Variants in DLGAP1 observed in about 807,000 individuals in gnomAD.
The protein encoded by DLGAP1 is disks large-associated protein 1.
Under a neutral mutation model 90.8 loss-of-function variants are expected in DLGAP1, and 11 were observed. The observed-to-expected ratio is 0.12, with a 90% CI of 0.08 to 0.20. The LOEUF (loss-of-function observed/expected upper bound fraction) is 0.20. Among genes scored for constraint, DLGAP1 ranks in the 10% least tolerant of loss-of-function variants. DLGAP1 has a pLI of 1.00. For missense variants in DLGAP1, 1,050 were observed against 1,333.8 expected, an observed-to-expected ratio of 0.79 and a Z score of 3.31; for synonymous variants, 558 against 540.7, an observed-to-expected ratio of 1.03 and a Z score of -0.44.
chr18:4,399,306 C>T (rs1340295922), intron 1 of DLGAP1, among the ~76,000 whole-genome samples: 1 of 152,174 alleles, frequency 6.6e-6, no homozygotes, highest in Non-Finnish European at 1.5e-5. Flanking sequence ...CTACTACCAA[C>T]AAGAATTCCT....
At chr18:3,624,214 C>T (rs2058208588) in intron 7 of DLGAP1, among the ~76,000 whole-genome samples, 1 of 152,196 alleles carries the variant, frequency 6.6e-6, no homozygotes, top group African/African-American at 2.4e-5. Context: ...CAGGAGACAA[C>T]GGGCGCCTGT....
intron 4 of DLGAP1, among the ~76,000 whole-genome samples, chr18:3,875,910 A>G (rs1368123556): frequency 6.6e-6 from 1 of 152,136 alleles, no homozygotes; most frequent in Non-Finnish European, 1.5e-5. Context: ...AATAAGGACT[A>G]GAACGCTCCG....
At chr18:3,884,859 G>A (rs543524988) in intron 3 of DLGAP1, among the ~76,000 whole-genome samples, 1 of 152,160 alleles carries the variant, frequency 6.6e-6, no homozygotes, top group South Asian at 2.1e-4. Context: ...TCTATGATGT[G>A]GGAAAAGAAG....
intron 6 of DLGAP1, among the ~76,000 whole-genome samples, chr18:3,732,077 A>G (rs1391619509): frequency 6.6e-6 from 1 of 152,060 alleles, no homozygotes; most frequent in East Asian, 1.9e-4. Context: ...TTTAACATAC[A>G]CTTATTTTGA....
intron 3 of DLGAP1, among the ~76,000 whole-genome samples, chr18:3,966,548 G>A (rs150805864): frequency 8.6e-4 from 130 of 152,016 alleles, no homozygotes; most frequent in Non-Finnish European, 1.3e-3. Context: ...AAAAAAAATC[G>A]GACTAGAAAC....
rs776707431 is a variant in DLGAP1, at chr18:3,749,148, CTTT to C, written c.1173-6639_1173-6637del. Among the ~76,000 whole-genome samples, 222 of 120,660 alleles carry C rather than the reference CTTT, an allele frequency of 1.8e-3. 1 individual carries two copies. The highest frequency in any genetic ancestry group is 5.9e-3 in the African/African-American group (185 of 31,200). 79.2% of individuals were successfully genotyped at this position (120,660 alleles called of 152,430 possible). A position where few individuals can be genotyped will look rare whatever the true frequency, so the allele number is the denominator to read the frequency against. On this transcript the variant is annotated intron_variant, in intron 5 of 12. Coordinates refer to ENST00000315677, the MANE Select transcript of DLGAP1 (RefSeq NM_004746.4). ...CTTCCTCCTCCTCCTTCTTCTTCTT[CTTT>C]TTTTTTTTTTTTTTTTTTGACAGAG...
chr18:3,550,496 G>T (rs1388705625), intron 9 of DLGAP1, among the ~76,000 whole-genome samples: 1 of 152,176 alleles, frequency 6.6e-6, no homozygotes, highest in Non-Finnish European at 1.5e-5. Flanking sequence ...TAAGAGTTGG[G>T]ATTACAGGTG....
chr18:3,888,906 T>C, intron 3 of DLGAP1, among the ~76,000 whole-genome samples: 1 of 152,182 alleles, frequency 6.6e-6, no homozygotes, highest in Non-Finnish European at 1.5e-5. Context: ...ATTGTTCTTA[T>C]CTGGATTTTC....
intron 4 of DLGAP1, among the ~76,000 whole-genome samples, chr18:3,847,300 G>C (rs1019906639): frequency 6.6e-6 from 1 of 152,182 alleles, no homozygotes; most frequent in Non-Finnish European, 1.5e-5. Flanking sequence ...AAGGCAGATA[G>C]GGAGAGGTTG....
intron 1 of DLGAP1, among the ~76,000 whole-genome samples, chr18:4,247,507 G>A (rs536123338): frequency 2.2e-3 from 337 of 152,200 alleles, no homozygotes; most frequent in African/African-American, 7.9e-3. Flanking sequence ...CGGGTGCAGT[G>A]GCTCACACCT....
chr18:4,271,116 T>G (rs1369220276), intron 1 of DLGAP1, among the ~76,000 whole-genome samples: 2 of 152,162 alleles, frequency 1.3e-5, no homozygotes, highest in Admixed American at 1.3e-4. Context: ...TAGAAAGTGG[T>G]TGACAGCTTT....
intron 3 of DLGAP1, among the ~76,000 whole-genome samples, chr18:3,955,370 G>C (rs1599214974): frequency 6.6e-6 from 1 of 152,180 alleles, no homozygotes; most frequent in South Asian, 2.1e-4. Context: ...AAAATATCCA[G>C]TACCTGACAA....
chr18:3,703,055 A>G (rs1410559390), intron 7 of DLGAP1, among the ~76,000 whole-genome samples: 1 of 152,184 alleles, frequency 6.6e-6, no homozygotes, highest in Non-Finnish European at 1.5e-5. Flanking sequence ...TAAGATGTGG[A>G]GCCTGATGGT....
intron 6 of DLGAP1, among the ~76,000 whole-genome samples, chr18:3,735,376 C>T (rs778240256): frequency 2.6e-4 from 39 of 152,118 alleles, no homozygotes; most frequent in Middle Eastern, 3.4e-3. Context: ...TGTGACACCA[C>T]GCCTGGCTAA....
chr18:3,576,088 C>T (rs897100474), intron 8 of DLGAP1, among the ~76,000 whole-genome samples: 2 of 152,124 alleles, frequency 1.3e-5, no homozygotes, highest in African/African-American at 2.4e-5. Context: ...AGCTGCTCTT[C>T]GACACTGCGG....
chr18:4,133,963 C>G (rs1208754811), intron 2 of DLGAP1, among the ~76,000 whole-genome samples: 1 of 149,396 alleles, frequency 6.7e-6, no homozygotes, highest in Non-Finnish European at 1.5e-5. Flanking sequence ...GAGGATGACC[C>G]AAAGATTTTG....
rs559265783 is a variant in DLGAP1, at chr18:3,981,362, T to C, written c.-73+23754A>G. On this transcript the variant is annotated intron_variant, in intron 3 of 12. Transcript: ENST00000315677. ...GTGAAGTAGGAGTATCTTCTGATGC[T>C]GCACTCTTGAGGCTTCCGTCCTCAT... Among the ~76,000 whole-genome samples the C allele has an allele frequency of 6.6e-5, 10 of 152,370 alleles. No individual in the cohort carries two copies. The East Asian group carries it at 1.9e-3, about 29-fold the overall frequency.
intron 10 of DLGAP1, among the ~76,000 whole-genome samples, chr18:3,511,230 C>T (rs914227641): frequency 1.3e-5 from 2 of 152,078 alleles, no homozygotes; most frequent in East Asian, 3.9e-4. Context: ...CTTTCTTTTC[C>T]GGAGAACTAA....
chr18:3,805,685 C>T lies in DLGAP1; in HGVS notation c.1172+8374G>A, dbSNP rs75525954. Among the ~76,000 whole-genome samples, 354 of 152,258 alleles carry T rather than the reference C, an allele frequency of 2.3e-3. 5 individuals carry two copies. The East Asian group carries it at 0.048, about 20-fold the overall frequency. On this transcript the variant is annotated intron_variant, in intron 5 of 12. Coordinates refer to ENST00000315677, the MANE Select transcript of DLGAP1 (RefSeq NM_004746.4). ...TACAGGATCAATGCACATGATCAGA[C>T]GATGGTGCAGATCTTATGCTAAAGT...
Sources: allele counts gnomAD v4.1 joint callset (sites outside exome capture counted in the v4.1 genomes callset), GRCh38; gene constraint gnomAD v4.1.1; transcripts MANE v1.5; gene names NCBI Gene and HGNC (gene_info 2026-07-23, HGNC 2026-07-21).